Variants in TENT4B observed in about 807,000 individuals in gnomAD.
The protein encoded by TENT4B is PAP associated domain containing 5.
Under a neutral mutation model 75.0 loss-of-function variants are expected in TENT4B, and 10 were observed. The observed-to-expected ratio is 0.13, with a 90% CI of 0.08 to 0.23. TENT4B has a LOEUF of 0.23. Among genes scored for constraint, TENT4B ranks in the 10% least tolerant of loss-of-function variants. The pLI is 1.00. For synonymous variants in TENT4B, 350 were observed against 357.7 expected (o/e 0.98, Z 0.24); for missense variants, 579 against 893.8 (o/e 0.65, Z 4.49).
chr16:50,161,166 C>T lies in TENT4B; in HGVS notation c.638+6907C>T, dbSNP rs776113258. Among the ~76,000 whole-genome samples, 5 of 152,200 alleles carry T rather than the reference C, an allele frequency of 3.3e-5. No homozygotes were observed. In the South Asian group the frequency reaches 6.2e-4, roughly 19 times the overall value. Reference sequence around the variant, plus strand: ...TTGTTTCACTATTCTTAAGATTACACGTAATTGTTTTTTTGTAAGAGATTA... The same window carrying T: ...TTGTTTCACTATTCTTAAGATTACATGTAATTGTTTTTTTGTAAGAGATTA... On this transcript the variant is annotated intron_variant, in intron 1 of 11. Coordinates refer to ENST00000561678, the MANE Select transcript of TENT4B (RefSeq NM_001365324.3).
chr16:50,163,156 G>A (rs2150671126), intron 1 of TENT4B, among the ~76,000 whole-genome samples: 1 of 152,250 alleles, frequency 6.6e-6, no homozygotes, highest in South Asian at 2.1e-4. Context: ...GTCAGGTATT[G>A]TACATTCCTG....
At chr16:50,156,755 A>G (rs1015404593) in intron 1 of TENT4B, among the ~76,000 whole-genome samples, 5 of 152,052 alleles carry the variant, frequency 3.3e-5, no homozygotes, top group Non-Finnish European at 5.9e-5. Context: ...CTTGGGCTCA[A>G]GTGATCCTCC....
chr16:50,194,607 G>A (rs1318909532), intron 1 of TENT4B, among the ~76,000 whole-genome samples: 2 of 151,892 alleles, frequency 1.3e-5, no homozygotes, highest in African/African-American at 2.4e-5. Flanking sequence ...CTGAAGCGCA[G>A]TGGTGCAGTC....
intron 1 of TENT4B, among the ~76,000 whole-genome samples, chr16:50,169,593 G>C (rs760588314): frequency 9.2e-5 from 14 of 152,040 alleles, no homozygotes; most frequent in Non-Finnish European, 1.3e-4. Context: ...CTTCTAAAAG[G>C]AGAAGGCTTT....
intron 10 of TENT4B, among the ~76,000 whole-genome samples, chr16:50,225,873 G>A (rs762269310): frequency 6.6e-5 from 10 of 151,720 alleles, no homozygotes; most frequent in Admixed American, 3.3e-4. Context: ...TAGTAGAGAC[G>A]GGGTTTCACC....
In TENT4B at chr16:50,235,031, G is replaced by A; in HGVS notation, c.*5703G>A. On this transcript the variant is annotated 3_prime_UTR_variant, in exon 12 of 12. Coordinates refer to ENST00000561678, the MANE Select transcript of TENT4B (RefSeq NM_001365324.3). Reference sequence around the variant, plus strand: ...CTAGTTACCACTGCAGAGACACTAAGGAATTTACCAGAAAAAGATATTTGA... The same window carrying A: ...CTAGTTACCACTGCAGAGACACTAAAGAATTTACCAGAAAAAGATATTTGA... The A allele has an allele frequency of 5.1e-6, 5 of 985,800 alleles. No individual in the cohort carries two copies. Among genetic ancestry groups the A allele is most frequent in the Non-Finnish European group, 6.0e-6 (5 of 829,908 alleles). 61.1% of individuals were successfully genotyped at this position (985,800 alleles called of 1,614,324 possible).
chr16:50,186,817 A>G (rs551687311), intron 1 of TENT4B, among the ~76,000 whole-genome samples: 3 of 152,194 alleles, frequency 2.0e-5, no homozygotes, highest in East Asian at 1.9e-4. Flanking sequence ...CCTGACCTCA[A>G]GTGGCACCTG....
intron 1 of TENT4B, among the ~76,000 whole-genome samples, chr16:50,156,167 C>T (rs958625441): frequency 2.2e-4 from 33 of 152,014 alleles, no homozygotes; most frequent in Non-Finnish European, 4.6e-4. Context: ...TATCACTTCA[C>T]CAGATTTTCC....
chr16:50,176,056 T>C (rs1224530924), intron 1 of TENT4B, among the ~76,000 whole-genome samples: 1 of 151,814 alleles, frequency 6.6e-6, no homozygotes, highest in Non-Finnish European at 1.5e-5. Context: ...GTGTTGGGAT[T>C]ACAGACATGA....
chr16:50,155,650 A>G (rs899918092), intron 1 of TENT4B, among the ~76,000 whole-genome samples: 2 of 152,146 alleles, frequency 1.3e-5, no homozygotes, highest in Admixed American at 6.5e-5. Context: ...CTCACATTCC[A>G]GAAAGGGAAC....
At chr16:50,175,340 A>G (rs770796338) in intron 1 of TENT4B, among the ~76,000 whole-genome samples, 1 of 152,104 alleles carries the variant, frequency 6.6e-6, no homozygotes, top group Non-Finnish European at 1.5e-5. Context: ...TGCTTTTGGT[A>G]TTGTGTCTAG....
At chr16:50,191,800 T>C (rs917085963) in intron 1 of TENT4B, among the ~76,000 whole-genome samples, 1 of 151,994 alleles carries the variant, frequency 6.6e-6, no homozygotes, top group Non-Finnish European at 1.5e-5. Flanking sequence ...ATGCCTGTAA[T>C]CCCAGCTACT....
At chr16:50,190,465 A>G (rs1261271847) in intron 1 of TENT4B, among the ~76,000 whole-genome samples, 3 of 152,032 alleles carry the variant, frequency 2.0e-5, no homozygotes, top group Non-Finnish European at 1.5e-5. Context: ...TTGAACATTC[A>G]GTCCTCATGG....
intron 1 of TENT4B, among the ~76,000 whole-genome samples, chr16:50,180,210 TC>T (rs2038386653): frequency 1.3e-5 from 2 of 152,150 alleles, no homozygotes; most frequent in Non-Finnish European, 2.9e-5. Context: ...TTCAAGTGAT[TC>T]TTCTGCCTTA....
chr16:50,154,306 C>A, intron 1 of TENT4B, 47 bp downstream of exon 1: 1 of 1,382,932 alleles, frequency 7.2e-7, no homozygotes, highest in Non-Finnish European at 9.3e-7. Context: ...TGCGAATGCG[C>A]AGCCGGGCAC....
Position 50,234,379 on chromosome 16 carries a change from C to T in TENT4B, c.*5051C>T. ...GCCAGCAACTTGGTGAAGTTCAGTA[C>T]TTGCCTCTTAGAGGTTAGGCCATGC... On this transcript the variant is annotated 3_prime_UTR_variant, in exon 12 of 12. Coordinates refer to ENST00000561678, the MANE Select transcript of TENT4B (RefSeq NM_001365324.3). The T allele has an allele frequency of 1.0e-6, 1 of 985,406 alleles. No homozygotes were observed. The highest frequency in any genetic ancestry group is 1.2e-6 in the Non-Finnish European group (1 of 829,954). 61.0% of individuals were successfully genotyped at this position (985,406 alleles called of 1,614,324 possible). A position where few individuals can be genotyped will look rare whatever the true frequency, so the allele number is the denominator to read the frequency against.
intron 3 of TENT4B, among the ~76,000 whole-genome samples, chr16:50,215,810 T>C (rs1458798365): frequency 6.6e-6 from 1 of 152,234 alleles, no homozygotes; most frequent in African/African-American, 2.4e-5. Context: ...TTTTTGTTTT[T>C]TTTTCTTTGA....
chr16:50,175,365 A>C (rs2038286150), intron 1 of TENT4B, among the ~76,000 whole-genome samples: 1 of 152,098 alleles, frequency 6.6e-6, no homozygotes, highest in Admixed American at 6.6e-5. Context: ...TCTTCGCCAA[A>C]CCACAGTCAT....
chr16:50,159,238 CTCTT>C (rs1438771789), intron 1 of TENT4B, among the ~76,000 whole-genome samples: 3 of 136,300 alleles, frequency 2.2e-5, no homozygotes, highest in East Asian at 2.3e-4. Flanking sequence ...CCCTCTCTCT[CTCTT>C]TCTGTTTTTT....
Sources: gnomAD v4.1 joint callset for allele counts (sites outside exome capture counted in the v4.1 genomes callset) on GRCh38, gnomAD v4.1.1 for gene constraint, MANE v1.5 for transcripts, NCBI Gene and HGNC (gene_info 2026-07-23, HGNC 2026-07-21) for gene names.